Variants in ADAMTS18 observed in about 807,000 individuals in gnomAD.
ADAMTS18 encodes the protein ADAM metallopeptidase with thrombospondin type 1 motif 18.
Under a neutral mutation model 165.9 loss-of-function variants are expected in ADAMTS18, and 157 were observed. The observed-to-expected ratio is 0.95, with a 90% confidence interval of 0.83 to 1.08. The LOEUF is 1.08. ADAMTS18 is among the 50% of genes least tolerant of loss of function. The pLI, the probability that ADAMTS18 is intolerant of heterozygous loss-of-function variation, is 0.00. For synonymous variants in ADAMTS18, 782 were observed against 578.2 expected, an observed-to-expected ratio of 1.35 and a Z score of -5.06; for missense variants, 2,040 against 1,534.0, an observed-to-expected ratio of 1.33 and a Z score of -5.51.
chr16:77,433,033 G>A (rs1340773775), intron 2 of ADAMTS18, among the ~76,000 whole-genome samples: 2 of 152,068 alleles, frequency 1.3e-5, no homozygotes, highest in African/African-American at 2.4e-5. Flanking sequence ...ATAATGGGGG[G>A]AAAAGTTTTT....
Position 77,300,385 on chromosome 16 carries a change from T to C in ADAMTS18, c.2552A>G (p.Asn851Ser). 1 of 1,614,062 alleles carries C rather than the reference T, an allele frequency of 6.2e-7. No individual in the cohort carries two copies. Among genetic ancestry groups the C allele is most frequent in the Non-Finnish European group, 8.5e-7 (1 of 1,179,980 alleles). The change falls in exon 17 of 23, where the codon AAT (asparagine) becomes AGT (serine). Residue 851 changes from asparagine (N) to serine (S), a missense_variant. Coordinates refer to ENST00000282849, the MANE Select transcript of ADAMTS18 (RefSeq NM_199355.4). Reference sequence around the variant, plus strand: ...TGCATACTTCCAAGCTATCCCTGGATTTTTGCCTTGCATCAGAATCTGGAC... The same window carrying C: ...TGCATACTTCCAAGCTATCCCTGGACTTTTGCCTTGCATCAGAATCTGGAC... ...LVFEILMQGK[N>S]PGIAWKYALP...
intron 3 of ADAMTS18, among the ~76,000 whole-genome samples, chr16:77,392,156 G>A (rs12051378): frequency 0.14 from 21,166 of 152,154 alleles, 1,789 homozygotes; most frequent in Middle Eastern, 0.22. Context: ...AGAATCGCGT[G>A]ATACCATCCA....
intron 3 of ADAMTS18, among the ~76,000 whole-genome samples, chr16:77,389,720 T>C (rs1051093515): frequency 6.6e-6 from 1 of 152,188 alleles, no homozygotes. Context: ...AGGCTAAGGT[T>C]AGCCAAGTGA....
intron 7 of ADAMTS18, among the ~76,000 whole-genome samples, chr16:77,360,143 G>A (rs926527312): frequency 2.0e-5 from 3 of 152,150 alleles, no homozygotes; most frequent in Non-Finnish European, 2.9e-5. Context: ...GCTTGTGAAT[G>A]GATTGTACCC....
At chr16:77,327,340 C>G (rs2056112918) in intron 12 of ADAMTS18, among the ~76,000 whole-genome samples, 1 of 152,176 alleles carries the variant, frequency 6.6e-6, no homozygotes, top group African/African-American at 2.4e-5. Flanking sequence ...ACCCCCTACC[C>G]TTTCCCTTGA....
chr16:77,418,706 CA>C (rs762604667), intron 3 of ADAMTS18, among the ~76,000 whole-genome samples: 3 of 152,164 alleles, frequency 2.0e-5, no homozygotes, highest in Non-Finnish European at 4.4e-5. Context: ...TACTGTCTTA[CA>C]AGTCATTGAC....
At chr16:77,306,676 G>A (rs978555120) in intron 16 of ADAMTS18, among the ~76,000 whole-genome samples, 6 of 152,046 alleles carry the variant, frequency 3.9e-5, no homozygotes, top group Non-Finnish European at 7.4e-5. Context: ...CCTCAATAAT[G>A]TATTCGATTG....
chr16:77,386,257 C>G (rs1315128171), intron 3 of ADAMTS18, among the ~76,000 whole-genome samples: 1 of 152,154 alleles, frequency 6.6e-6, no homozygotes, highest in Admixed American at 6.5e-5. Flanking sequence ...TCATCATCAA[C>G]CTGGCTGACC....
intron 2 of ADAMTS18, among the ~76,000 whole-genome samples, chr16:77,433,868 T>C (rs1291499860): frequency 1.3e-5 from 2 of 151,972 alleles, no homozygotes; most frequent in Non-Finnish European, 1.5e-5. Context: ...TCAGAAAAGA[T>C]AGATAAAGGA....
At chr16:77,389,283 C>T (rs773947579) in intron 3 of ADAMTS18, among the ~76,000 whole-genome samples, 31 of 152,092 alleles carry the variant, frequency 2.0e-4, no homozygotes, top group East Asian at 5.8e-4. Context: ...CCAGTCTAGG[C>T]GACAGAGTGA....
intron 3 of ADAMTS18, among the ~76,000 whole-genome samples, chr16:77,413,778 G>C (rs1228703737): frequency 7.1e-6 from 1 of 141,310 alleles, no homozygotes; most frequent in Non-Finnish European, 1.5e-5. Flanking sequence ...AAACCATAAG[G>C]CTGACACTTA....
intron 2 of ADAMTS18, chr16:77,432,369 G>GA (rs2057749955): frequency 6.6e-6 from 1 of 152,246 alleles, no homozygotes; most frequent in African/African-American, 2.4e-5. Flanking sequence ...GTTGGTGGGG[G>GA]AGTGTCAGAT....
chr16:77,306,463 TTCTC>T (rs1284858500), intron 16 of ADAMTS18, among the ~76,000 whole-genome samples: 1 of 152,246 alleles, frequency 6.6e-6, no homozygotes, highest in Non-Finnish European at 1.5e-5. Context: ...GGGTAAATGA[TTCTC>T]TTTCTTTCGT....
At chr16:77,426,321 C>T (rs969793640) in intron 3 of ADAMTS18, among the ~76,000 whole-genome samples, 1 of 151,802 alleles carries the variant, frequency 6.6e-6, no homozygotes, top group African/African-American at 2.4e-5. Flanking sequence ...CATGTCACCA[C>T]CAAACTGTGA....
At chr16:77,360,686 C>T (rs926988765) in intron 7 of ADAMTS18, among the ~76,000 whole-genome samples, 1 of 152,160 alleles carries the variant, frequency 6.6e-6, no homozygotes, top group Non-Finnish European at 1.5e-5. Flanking sequence ...TGGAACAATT[C>T]CCAAAATCAT....
In ADAMTS18 at chr16:77,293,119, G is replaced by A. The variant is rs561262222; in HGVS notation, c.3146C>T (p.Pro1049Leu). 1.1e-5 allele frequency: 17 copies of A among 1,613,898 alleles called. 1 individual carries two copies. In the South Asian group the frequency reaches 1.9e-4, roughly 18 times the overall value. ...LQEGCVLGRC[P>L]KNSRLQWVAS... is the part of the protein sequence containing the mutation. The stretch of plus-strand genomic sequence containing the variant: ...GACCCACTGTAGCCGGCTGTTCTTG[G>A]GGCATCGTCCAAGCACACAGCCCTC... The change falls in exon 20 of 23, where the codon CCC becomes CTC. Residue 1049 changes from proline (P) to leucine (L), a missense_variant. Pro to Leu is a moderately conservative substitution (Grantham distance 98, BLOSUM62 -3). Transcript: ENST00000282849.
At chr16:77,334,002 C>CAATATGTGCTATATATAATATACAGTGT (rs2056235981) in intron 12 of ADAMTS18, among the ~76,000 whole-genome samples, 1 of 124,464 alleles carries the variant, frequency 8.0e-6, no homozygotes, top group Non-Finnish European at 1.8e-5. Flanking sequence ...ATATACAGTG[C>CAATATGTGCTATATATAATATACAGTGT]AATATATGCT....
At chr16:77,400,474 GTGTGTGTTTTGTTT>G (rs1443536339) in intron 3 of ADAMTS18, among the ~76,000 whole-genome samples, 7 of 119,086 alleles carry the variant, frequency 5.9e-5, no homozygotes, top group African/African-American at 2.0e-4. Flanking sequence ...GTGTGTGTGT[GTGTGTGTTTTGTTT>G]TTTTTTTTTT....
In ADAMTS18 at chr16:77,353,770, C is replaced by A. The variant is rs2056589018; in HGVS notation, c.1577G>T (p.Gly526Val). The A allele has an allele frequency of 3.7e-6, 6 of 1,614,146 alleles. No homozygotes were observed. The highest frequency in any genetic ancestry group is 5.1e-6 in the Non-Finnish European group (6 of 1,180,012). ...DADTQCKWQF[G>V]AKAKLCSLGF... ...AAGGCTGCATAACTTGGCTTTTGCTCCAAATTGCCATTTACACTGTGTGTC... is the reference window on the plus strand; with the variant it reads ...AAGGCTGCATAACTTGGCTTTTGCTACAAATTGCCATTTACACTGTGTGTC... The change falls in exon 10 of 23, where the codon GGA becomes GTA. Residue 526 changes from glycine (G) to valine (V), a missense_variant. Physicochemically the swap from Gly to Val is moderately radical, Grantham distance 109 (BLOSUM62 -3). Coordinates refer to ENST00000282849, the MANE Select transcript of ADAMTS18 (RefSeq NM_199355.4).
Sources: allele counts gnomAD v4.1 joint callset (sites outside exome capture counted in the v4.1 genomes callset), GRCh38; gene constraint gnomAD v4.1.1; transcripts MANE v1.5; gene names NCBI Gene and HGNC (gene_info 2026-07-23, HGNC 2026-07-21).